The following PALM variants were observed in gnomAD, a reference collection of about 807,000 sequenced individuals.
PALM encodes paralemmin-1.
PALM carries 18 observed loss-of-function variants against 30.7 expected under a neutral mutation model. That is an observed-to-expected ratio of 0.59 (90% CI 0.41 to 0.87). PALM has a LOEUF of 0.87. PALM is among the 40% of genes least tolerant of loss of function. The pLI is 0.00. For synonymous variants in PALM, 286 were observed against 242.8 expected, an observed-to-expected ratio of 1.18 and a Z score of -1.66; for missense variants, 529 against 555.4, an observed-to-expected ratio of 0.95 and a Z score of 0.48.
chr19:730,676 T>G (rs2032841595), intron 4 of PALM, among the ~76,000 whole-genome samples: 1 of 152,166 alleles, frequency 6.6e-6, no homozygotes, highest in African/African-American at 2.4e-5. Context: ...AAGAGCACGA[T>G]GCCTCTTGGG....
intron 1 of PALM, among the ~76,000 whole-genome samples, chr19:721,049 C>T (rs1204007036): frequency 6.6e-6 from 1 of 152,186 alleles, no homozygotes; most frequent in East Asian, 1.9e-4. Context: ...GCTGTGCCCT[C>T]CCTGGACGTG....
At chr19:717,852 C>T (rs2032317045) in intron 1 of PALM, among the ~76,000 whole-genome samples, 1 of 152,112 alleles carries the variant, frequency 6.6e-6, no homozygotes, top group South Asian at 2.1e-4. Flanking sequence ...CTGCTGTATG[C>T]CTGGTGCCAG....
intron 7 of PALM, among the ~76,000 whole-genome samples, chr19:738,590 G>T (rs903308346): frequency 6.6e-6 from 1 of 152,112 alleles, no homozygotes; most frequent in South Asian, 2.1e-4. Flanking sequence ...GTGGGGGCAG[G>T]TGTAGGGGGC....
intron 1 of PALM, among the ~76,000 whole-genome samples, chr19:718,423 G>A (rs887533119): frequency 8.5e-5 from 13 of 152,096 alleles, no homozygotes; most frequent in East Asian, 5.8e-4. Context: ...GAGTGCAGTC[G>A]CGTGGGGAGG....
Position 726,994 on chromosome 19 carries a change from G to T in PALM, c.58-14G>T. 6.2e-6 allele frequency: 3 copies of T among 484,252 alleles called. No individual in the cohort carries two copies. Among genetic ancestry groups the T allele is most frequent in the East Asian group, 7.2e-5 (1 of 13,818 alleles). The allele number at this position is 484,252 out of a possible 1,614,324, so 30.0% of individuals were successfully genotyped here. A position where few individuals can be genotyped will look rare whatever the true frequency, so the allele number is the denominator to read the frequency against. On this transcript the variant is annotated splice_polypyrimidine_tract_variant and intron_variant, in intron 2 of 8. Coordinates refer to ENST00000338448, the MANE Select transcript of PALM (RefSeq NM_002579.3). ...CCCACGCCCATCCCTGACCCCACCC[G>T]GCCCTCCCCACAGGAGAAGCGGAAG...
intron 1 of PALM, among the ~76,000 whole-genome samples, chr19:720,014 C>T (rs1482383394): frequency 6.6e-6 from 1 of 152,064 alleles, no homozygotes; most frequent in African/African-American, 2.4e-5. Flanking sequence ...ACACCCCTCC[C>T]GGATGGAAGC....
chr19:720,679 C>G (rs1055924264), intron 1 of PALM, among the ~76,000 whole-genome samples: 1 of 151,896 alleles, frequency 6.6e-6, no homozygotes, highest in Non-Finnish European at 1.5e-5. Context: ...GGCCTGCGCC[C>G]TGGGGCTGCT....
At position 709,070 on chromosome 19, in the gene PALM, T is replaced by G. The variant is rs868345817; in HGVS notation, c.-77T>G. ...CGGCCCCCGCCAGGCCGCGTCCCCC[T>G]CCCCTCCCCTCCCCCGCGCGCCACC... is the stretch of plus-strand genomic sequence containing the variant. On this transcript the variant is annotated 5_prime_UTR_variant, in exon 1 of 9. Coordinates refer to ENST00000338448, the MANE Select transcript of PALM (RefSeq NM_002579.3). The surrounding 1 kb of genome is among the most constrained non-coding windows in gnomAD (Gnocchi z 4.3). 0.019 allele frequency: 3,852 copies of G among 207,470 alleles called. 168 individuals carry two copies. Among genetic ancestry groups the G allele is most frequent in the African/African-American group, 0.09 (3,575 of 39,540 alleles). The allele number at this position is 207,470 out of a possible 1,614,324, so 12.9% of individuals were successfully genotyped here. A position where few individuals can be genotyped will look rare whatever the true frequency, so the allele number is the denominator to read the frequency against.
intron 1 of PALM, among the ~76,000 whole-genome samples, chr19:718,626 G>C (rs185863184): frequency 6.6e-6 from 1 of 152,094 alleles, no homozygotes; most frequent in South Asian, 2.1e-4. Flanking sequence ...CCTCTCCCCC[G>C]GGGTGATGCC....
Position 742,660 on chromosome 19 carries a change from C to T in PALM, c.634+2177C>T, listed in dbSNP as rs1211370050. Among the ~76,000 whole-genome samples the T allele has an allele frequency of 6.6e-6, 1 of 151,812 alleles. No individual in the cohort carries two copies. The highest frequency in any genetic ancestry group is 1.9e-4 in the East Asian group (1 of 5,162). On this transcript the variant is annotated intron_variant, in intron 8 of 8. Transcript: ENST00000338448. This position sits in a 1 kb window ranked among gnomAD's most constrained non-coding sequence, Gnocchi z 5.5. ...AAATGGGGTCACACACTGCACGTGG[C>T]CTTCTGTGTCTGGCGTCTCTCACTG...
intron 5 of PALM, 139 bp downstream of exon 5, chr19:731,384 G>A (rs11670501): frequency 0.45 from 365,187 of 816,624 alleles, 83,189 homozygotes; most frequent in African/African-American, 0.54. Flanking sequence ...CCAGCTCACC[G>A]GAGCCACTTC....
At chr19:744,408 A>C (rs548814663) in intron 8 of PALM, among the ~76,000 whole-genome samples, 1 of 151,924 alleles carries the variant, frequency 6.6e-6, no homozygotes, top group South Asian at 2.1e-4. Context: ...TCAAAAAAAA[A>C]AAAAAATAGA....
intron 4 of PALM, among the ~76,000 whole-genome samples, chr19:728,951 C>T (rs2032780712): frequency 6.6e-6 from 1 of 151,826 alleles, no homozygotes; most frequent in Admixed American, 6.6e-5. Flanking sequence ...TTGCAGTGAG[C>T]CAAGATCTCA....
At chr19:734,055 C>A in intron 5 of PALM, 118 bp from the exon 6 acceptor site, 2 of 810,050 alleles carry the variant, frequency 2.5e-6, no homozygotes, top group Non-Finnish European at 4.2e-6. Context: ...GGATGAGAAG[C>A]GGGTGCGTAT....
chr19:740,532 G>T, intron 8 of PALM, 49 bp downstream of exon 8: 1 of 1,506,908 alleles, frequency 6.6e-7, no homozygotes, highest in South Asian at 1.2e-5. Context: ...CCAGAGCCCC[G>T]AACACGTGTG....
chr19:715,160 C>T (rs2032216796), intron 1 of PALM, among the ~76,000 whole-genome samples: 1 of 151,990 alleles, frequency 6.6e-6, no homozygotes, highest in African/African-American at 2.4e-5. Context: ...CCCAGCTACT[C>T]GGGAGGCTGA....
chr19:722,135 G>A (rs1200152706), intron 1 of PALM, among the ~76,000 whole-genome samples: 1 of 150,074 alleles, frequency 6.7e-6, no homozygotes, highest in East Asian at 2.0e-4. Context: ...AGCCAGGATG[G>A]TCTCGATCTC....
intron 1 of PALM, among the ~76,000 whole-genome samples, chr19:714,768 C>T (rs375602160): frequency 6.6e-6 from 1 of 152,168 alleles, no homozygotes; most frequent in Non-Finnish European, 1.5e-5. Context: ...TCCACCCAGC[C>T]TCTTGAGTAG....
At position 726,862 on chromosome 19, in the gene PALM, C is replaced by T. The variant is rs147056726; in HGVS notation, c.58-146C>T. The T allele has an allele frequency of 1.8e-4, 108 of 615,268 alleles. 1 individual carries two copies. The highest frequency in any genetic ancestry group is 9.1e-4 in the East Asian group (33 of 36,292). 38.1% of individuals were successfully genotyped at this position (615,268 alleles called of 1,614,324 possible). On this transcript the variant is annotated intron_variant, in intron 2 of 8. Coordinates refer to ENST00000338448, the MANE Select transcript of PALM (RefSeq NM_002579.3). ...TGTCCCGGGCTGGAGTACAGTGGTG[C>T]GATCCGCTGTCACCTGGAAGCCAGT...
Sources: allele counts gnomAD v4.1 joint callset (sites outside exome capture counted in the v4.1 genomes callset), GRCh38; gene constraint gnomAD v4.1.1; non-coding constraint Gnocchi (gnomAD v3.1); transcripts MANE v1.5; gene names NCBI Gene and HGNC (gene_info 2026-07-23, HGNC 2026-07-21).